KCNAB2: variants seen among roughly 807,000 people sequenced by gnomAD.
KCNAB2 encodes voltage-gated potassium channel subunit beta-2.
A neutral mutation model predicts 63.6 loss-of-function variants in KCNAB2; 29 were observed. The observed-to-expected ratio is 0.46, with a 90% confidence interval of 0.34 to 0.62. The LOEUF is 0.62. Among genes scored for constraint, KCNAB2 ranks in the 20% least tolerant of loss-of-function variants. The pLI is 0.01. For missense variants in KCNAB2, 359 were observed against 563.9 expected (o/e 0.64, Z 3.68); for synonymous variants, 222 against 224.2 (o/e 0.99, Z 0.09).
intron 15 of KCNAB2, 184 bp from the exon 16 acceptor site, chr1:6,098,301 C>G: frequency 7.1e-7 from 1 of 1,412,802 alleles, no homozygotes; most frequent in South Asian, 1.5e-5. Context: ...TGCTTCCTCT[C>G]TGCCCCAAAC....
Position 6,078,967 on chromosome 1 carries a change from G to A in KCNAB2, c.301-3228G>A, listed in dbSNP as rs1663950807. Reference sequence around the variant, plus strand: ...GAGAAACCACCCAAGAGCCGCTGGAGGCTCAGAGCAGGGTGGGCACCGTGG... The same window carrying A: ...GAGAAACCACCCAAGAGCCGCTGGAAGCTCAGAGCAGGGTGGGCACCGTGG... On this transcript the variant is annotated intron_variant, in intron 4 of 15. Transcript: ENST00000378083. This position sits in a 1 kb window ranked among gnomAD's most constrained non-coding sequence, Gnocchi z 4.2. Among the ~76,000 whole-genome samples the A allele has an allele frequency of 6.6e-6, 1 of 152,236 alleles. No homozygotes were observed. The highest frequency in any genetic ancestry group is 2.1e-4 in the South Asian group (1 of 4,838).
chr1:6,098,688 C>A lies in KCNAB2; in HGVS notation c.*114C>A. 2.3e-6 allele frequency: 3 copies of A among 1,297,894 alleles called. No individual in the cohort carries two copies. Among genetic ancestry groups the A allele is most frequent in the Non-Finnish European group, 1.1e-6 (1 of 938,620 alleles). The allele number at this position is 1,297,894 out of a possible 1,614,324, so 80.4% of individuals were successfully genotyped here. A position where few individuals can be genotyped will look rare whatever the true frequency, so the allele number is the denominator to read the frequency against. On this transcript the variant is annotated 3_prime_UTR_variant, in exon 16 of 16. Coordinates refer to ENST00000378083, the MANE Select transcript of KCNAB2 (RefSeq NM_001199862.2). Reference sequence around the variant, plus strand: ...GTGGTTTGCATCCAAGAGAAAACACCACACTGTGATGTCATCGGGAAATGA... The same window carrying A: ...GTGGTTTGCATCCAAGAGAAAACACAACACTGTGATGTCATCGGGAAATGA...
intron 1 of KCNAB2, among the ~76,000 whole-genome samples, chr1:6,016,285 G>A (rs951617440): frequency 2.0e-5 from 3 of 152,198 alleles, no homozygotes; most frequent in African/African-American, 4.8e-5. Context: ...CGAGTGAGGG[G>A]TGGGTGGGAC....
chr1:6,057,006 C>T (rs1661886938), intron 2 of KCNAB2, among the ~76,000 whole-genome samples: 1 of 151,868 alleles, frequency 6.6e-6, no homozygotes, highest in African/African-American at 2.4e-5. Flanking sequence ...CTTTGTCTGT[C>T]CCTGGCACCC....
intron 1 of KCNAB2, among the ~76,000 whole-genome samples, chr1:6,040,325 G>GC (rs1660393597): frequency 6.6e-6 from 1 of 152,094 alleles, no homozygotes; most frequent in Non-Finnish European, 1.5e-5. Flanking sequence ...CCCCTCCTGA[G>GC]CCCGTGGACC....
Position 5,994,732 on chromosome 1 carries a change from G to A in KCNAB2, c.-53+1944G>A, listed in dbSNP as rs1263960402. ...ACAGAAGCCATTGCACCCGGGAGGT[G>A]GGACGTGGGCCATGGCGCTAGAGAG... On this transcript the variant is annotated intron_variant, in intron 1 of 16. Coordinates refer to the KCNAB2 transcript ENST00000341524. This position sits in a 1 kb window ranked among gnomAD's most constrained non-coding sequence, Gnocchi z 5.4. Among the ~76,000 whole-genome samples the A allele has an allele frequency of 6.6e-6, 1 of 152,198 alleles. No individual in the cohort carries two copies. Among genetic ancestry groups the A allele is most frequent in the Non-Finnish European group, 1.5e-5 (1 of 68,040 alleles).
At chr1:5,998,042 T>C (rs1657034467) in intron 1 of KCNAB2, among the ~76,000 whole-genome samples, 1 of 152,014 alleles carries the variant, frequency 6.6e-6, no homozygotes, top group African/African-American at 2.4e-5. Context: ...AGTGGGGACA[T>C]TTGACCTGGA....
At chr1:6,043,994 C>G (rs146148579), upstream of KCNAB2, among the ~76,000 whole-genome samples, 1 of 152,234 alleles carries the variant, frequency 6.6e-6, no homozygotes, top group Non-Finnish European at 1.5e-5. Context: ...CCATGCTTAA[C>G]TGGGGCCTAC....
Position 6,003,953 on chromosome 1 carries a change from G to T in KCNAB2, c.-53+11165G>T, listed in dbSNP as rs772951397. Reference sequence around the variant, plus strand: ...CTGCCGCAGCGCTGCCTGGCAAGATGTTAATCGTTCATGCCCTGTCACGTG... The same window carrying T: ...CTGCCGCAGCGCTGCCTGGCAAGATTTTAATCGTTCATGCCCTGTCACGTG... On this transcript the variant is annotated intron_variant, in intron 1 of 16. Coordinates refer to the KCNAB2 transcript ENST00000341524. This position sits in a 1 kb window ranked among gnomAD's most constrained non-coding sequence, Gnocchi z 4.1. Among the ~76,000 whole-genome samples the T allele has an allele frequency of 2.0e-5, 3 of 152,178 alleles. No individual in the cohort carries two copies. Among genetic ancestry groups the T allele is most frequent in the Non-Finnish European group, 2.9e-5 (2 of 68,026 alleles).
chr1:6,011,230 G>A (rs1283507688), intron 1 of KCNAB2, among the ~76,000 whole-genome samples: 1 of 152,216 alleles, frequency 6.6e-6, no homozygotes, highest in Non-Finnish European at 1.5e-5. Flanking sequence ...GCAGGCAGCT[G>A]TGCCCAGGGC....
At chr1:6,020,106 G>A (rs1335131051) in intron 1 of KCNAB2, among the ~76,000 whole-genome samples, 4 of 152,168 alleles carry the variant, frequency 2.6e-5, no homozygotes, top group East Asian at 1.9e-4. Context: ...CTGCATGCTC[G>A]GAGGCTTCAC....
chr1:6,068,295 G>A (rs576963532), intron 2 of KCNAB2, among the ~76,000 whole-genome samples: 39 of 152,360 alleles, frequency 2.6e-4, no homozygotes, highest in African/African-American at 8.7e-4. Flanking sequence ...ACACACGTGC[G>A]TGCTGGAGGC....
chr1:6,094,338 C>A, intron 10 of KCNAB2, 62 bp from the exon 11 acceptor site: 4 of 1,286,390 alleles, frequency 3.1e-6, no homozygotes, highest in Non-Finnish European at 4.4e-6. Flanking sequence ...TGCAGAATGT[C>A]CCGAGGCTGG....
chr1:6,094,812 C>G (rs1665485214), intron 11 of KCNAB2, among the ~76,000 whole-genome samples: 1 of 152,248 alleles, frequency 6.6e-6, no homozygotes, highest in African/African-American at 2.4e-5. Flanking sequence ...GTGTGAAGCT[C>G]TTAGCAGATG....
chr1:6,037,923 G>A (rs1203640023), intron 1 of KCNAB2, among the ~76,000 whole-genome samples: 1 of 143,774 alleles, frequency 7.0e-6, no homozygotes, highest in Non-Finnish European at 1.5e-5. Flanking sequence ...CACCCAGGCT[G>A]GAGTGCAGTG....
At chr1:6,084,344 ACT>A (rs1664462379) in intron 5 of KCNAB2, among the ~76,000 whole-genome samples, 1 of 152,038 alleles carries the variant, frequency 6.6e-6, no homozygotes, top group South Asian at 2.1e-4. Flanking sequence ...CTAGCATCTG[ACT>A]CTGCCGTTCA....
chr1:6,039,486 T>A (rs1245693337), intron 1 of KCNAB2, among the ~76,000 whole-genome samples: 3 of 152,050 alleles, frequency 2.0e-5, no homozygotes, highest in Non-Finnish European at 4.4e-5. Flanking sequence ...GCCAGAGATG[T>A]GGGTGGACGG....
chr1:6,012,851 G>A (rs1049065098), intron 1 of KCNAB2, among the ~76,000 whole-genome samples: 10 of 152,150 alleles, frequency 6.6e-5, no homozygotes, highest in African/African-American at 2.4e-4. Context: ...GTGTGTTTCT[G>A]TGCAGGTGCT....
chr1:6,085,850 T>C, intron 6 of KCNAB2: 3 of 987,488 alleles, frequency 3.0e-6, no homozygotes, highest in Non-Finnish European at 3.6e-6. Flanking sequence ...CCCAAGTCTG[T>C]AAATCACCCA....
Sources: allele counts gnomAD v4.1 joint callset (sites outside exome capture counted in the v4.1 genomes callset), GRCh38; gene constraint gnomAD v4.1.1; non-coding constraint Gnocchi (gnomAD v3.1); transcripts MANE v1.5; gene names NCBI Gene and HGNC (gene_info 2026-07-23, HGNC 2026-07-21).